DPH6: variants seen among roughly 807,000 people sequenced by gnomAD.
DPH6 encodes diphthamine biosynthesis 6, also known as diphthine--ammonia ligase.
DPH6 carries 33 observed loss-of-function variants against 38.2 expected under a neutral mutation model. The observed-to-expected ratio is 0.86, with a 90% CI of 0.65 to 1.15. The LOEUF is 1.15. Ranked by LOEUF, DPH6 falls within the 50% of genes most tolerant of loss-of-function variation. DPH6 has a pLI of 0.00. For missense variants in DPH6, 325 were observed against 320.0 expected (o/e 1.02, Z -0.12); for synonymous variants, 108 against 103.0 (o/e 1.05, Z -0.30).
At position 35,515,218 on chromosome 15, in the gene DPH6, G is replaced by A. The variant is rs192508413; in HGVS notation, c.312+23056C>T. Among the ~76,000 whole-genome samples, 4 of 151,150 alleles carry A rather than the reference G, an allele frequency of 2.6e-5. No homozygotes were observed. The East Asian group carries it at 5.8e-4, about 22-fold the overall frequency. On this transcript the variant is annotated intron_variant, in intron 3 of 8. Transcript: ENST00000256538. ...TTATAAATAATAGTTATATATTATA[G>A]CATGTGACTTCTTTTCCTCTCTTTC...
chr15:35,434,753 C>A (rs2141040837), intron 5 of DPH6, among the ~76,000 whole-genome samples: 1 of 152,000 alleles, frequency 6.6e-6, no homozygotes, highest in African/African-American at 2.4e-5. Flanking sequence ...TAAATTACTA[C>A]TAAGGCTTTT....
At chr15:35,165,719 T>C in the DPH6 span, among the ~76,000 whole-genome samples, 1 of 151,946 alleles carries the variant, frequency 6.6e-6, no homozygotes, top group Non-Finnish European at 1.5e-5. Flanking sequence ...AGTTTAAACA[T>C]GTTTTCTTAA....
intron 6 of DPH6, among the ~76,000 whole-genome samples, chr15:35,382,246 T>C (rs758667147): frequency 4.0e-5 from 6 of 151,898 alleles, no homozygotes; most frequent in Admixed American, 1.3e-4. Flanking sequence ...CCATCCTGGC[T>C]AACATGGTGA....
Position 35,521,325 on chromosome 15 carries a change from T to A in DPH6, c.312+16949A>T, listed in dbSNP as rs2054919746. On this transcript the variant is annotated intron_variant, in intron 3 of 8. Coordinates refer to ENST00000256538, the MANE Select transcript of DPH6 (RefSeq NM_080650.4). ...AATTCACTAAACATAATAAACAACC[T>A]TTTTTAATGAATGTTGAATGTACAA... 3 of 1,001,108 alleles carry A rather than the reference T, an allele frequency of 3.0e-6. No individual in the cohort carries two copies. In the African/African-American group the frequency reaches 5.2e-5, roughly 17 times the overall value. The allele number at this position is 1,001,108 out of a possible 1,614,324, so 62.0% of individuals were successfully genotyped here.
At chr15:35,416,683 T>C (rs1401105122) in intron 5 of DPH6, among the ~76,000 whole-genome samples, 1 of 152,096 alleles carries the variant, frequency 6.6e-6, no homozygotes, top group Admixed American at 6.6e-5. Flanking sequence ...TATCTGAATA[T>C]CTGAATACTT....
At chr15:35,269,640 A>G (rs1486911310) in intron 3 of DPH6, among the ~76,000 whole-genome samples, 5 of 150,762 alleles carry the variant, frequency 3.3e-5, no homozygotes, top group African/African-American at 9.7e-5. Context: ...GGGTTTCACC[A>G]TGTTAGCCAG....
chr15:35,205,975 T>C, the DPH6 span, among the ~76,000 whole-genome samples: 21 of 152,276 alleles, frequency 1.4e-4, no homozygotes, highest in Admixed American at 1.3e-4. Context: ...CTTGAGGTAC[T>C]ATCAGAGAGC....
the DPH6 span, among the ~76,000 whole-genome samples, chr15:35,202,152 T>A: frequency 6.6e-6 from 1 of 151,850 alleles, no homozygotes; most frequent in African/African-American, 2.4e-5. Flanking sequence ...AAATATAGAA[T>A]TCTGTGCATT....
At chr15:35,406,299 G>A (rs2053292530) in intron 6 of DPH6, among the ~76,000 whole-genome samples, 1 of 152,042 alleles carries the variant, frequency 6.6e-6, no homozygotes, top group Non-Finnish European at 1.5e-5. Flanking sequence ...AGCATAGGGA[G>A]TATTCCATTG....
chr15:35,267,936 C>T (rs1296144504), intron 3 of DPH6, among the ~76,000 whole-genome samples: 3 of 152,018 alleles, frequency 2.0e-5, no homozygotes, highest in South Asian at 2.1e-4. Flanking sequence ...TTTGGGAGGC[C>T]GAGGCCGGCA....
rs1244843644 is a variant in DPH6, at chr15:35,520,232, A to AC, written c.312+18041_312+18042insG. 2,345 of 757,046 alleles carry AC rather than the reference A, an allele frequency of 3.1e-3. 3 individuals carry two copies. The highest frequency in any genetic ancestry group is 7.2e-3 in the Middle Eastern group (10 of 1,392). The allele number at this position is 757,046 out of a possible 1,614,324, so 46.9% of individuals were successfully genotyped here. On this transcript the variant is annotated intron_variant, in intron 3 of 8. Coordinates refer to ENST00000256538, the MANE Select transcript of DPH6 (RefSeq NM_080650.4). Reference sequence around the variant, plus strand: ...AGTAAACATGCTACAAAAAAAAACAAAAAAAAAACAAAAGAAGAAGAATCA... The same window carrying AC: ...AGTAAACATGCTACAAAAAAAAACAACAAAAAAAACAAAAGAAGAAGAATCA...
chr15:35,381,437 G>A (rs572312395), intron 7 of DPH6, among the ~76,000 whole-genome samples: 2 of 152,238 alleles, frequency 1.3e-5, no homozygotes, highest in South Asian at 4.1e-4. Flanking sequence ...GAAAAAAGAG[G>A]AAGGAGTTAA....
At chr15:35,263,914 C>T (rs1335818834) in intron 3 of DPH6, among the ~76,000 whole-genome samples, 8 of 152,050 alleles carry the variant, frequency 5.3e-5, no homozygotes, top group Non-Finnish European at 8.8e-5. Context: ...GGGGTTTCAC[C>T]GTGTTAGCCA....
chr15:35,501,401 C>A (rs1192046794), intron 3 of DPH6, among the ~76,000 whole-genome samples: 1 of 152,166 alleles, frequency 6.6e-6, no homozygotes, highest in African/African-American at 2.4e-5. Context: ...GACATGGGAT[C>A]AACTTCTGAC....
intron 3 of DPH6, among the ~76,000 whole-genome samples, chr15:35,463,876 A>G (rs1437872143): frequency 6.6e-6 from 1 of 152,224 alleles, no homozygotes; most frequent in Non-Finnish European, 1.5e-5. Flanking sequence ...CAGTAATTTT[A>G]AAAGTCCCAC....
chr15:35,196,115 T>C, the DPH6 span, among the ~76,000 whole-genome samples: 1 of 152,178 alleles, frequency 6.6e-6, no homozygotes, highest in African/African-American at 2.4e-5. Context: ...TGGGATCCAC[T>C]GGAAAAAGGC....
chr15:35,149,897 AG>A, the DPH6 span, among the ~76,000 whole-genome samples: 3 of 152,224 alleles, frequency 2.0e-5, no homozygotes, highest in Non-Finnish European at 2.9e-5. Context: ...TTATCTCTAA[AG>A]CTAGGGTCTT....
intron 3 of DPH6, among the ~76,000 whole-genome samples, chr15:35,365,402 A>T (rs144949209): frequency 6.6e-6 from 1 of 152,152 alleles, no homozygotes; most frequent in African/African-American, 2.4e-5. Flanking sequence ...TAAGCAGTCA[A>T]TAAATGTGTT....
the DPH6 span, among the ~76,000 whole-genome samples, chr15:35,157,409 G>GT: frequency 6.6e-6 from 1 of 152,184 alleles, no homozygotes; most frequent in Non-Finnish European, 1.5e-5. Flanking sequence ...AAATTAATGT[G>GT]TATGTTTAAA....
Sources: allele counts gnomAD v4.1 joint callset (sites outside exome capture counted in the v4.1 genomes callset), GRCh38; gene constraint gnomAD v4.1.1; transcripts MANE v1.5; gene names NCBI Gene and HGNC (gene_info 2026-07-23, HGNC 2026-07-21).